The following EHBP1L1 variants were observed in gnomAD, a reference collection of about 807,000 sequenced individuals.
EHBP1L1 encodes the protein EH domain binding protein 1 like 1, also known as EH domain-binding protein 1-like protein 1.
A neutral mutation model predicts 151.1 loss-of-function variants in EHBP1L1; 122 were observed. The observed-to-expected ratio is 0.81, with a 90% CI of 0.70 to 0.94. The LOEUF is 0.94. Among genes scored for constraint, EHBP1L1 ranks in the 40% least tolerant of loss-of-function variants. The pLI, the probability that EHBP1L1 is intolerant of heterozygous loss-of-function variation, is 0.00. For missense variants in EHBP1L1, 1,941 were observed against 1,959.8 expected, an observed-to-expected ratio of 0.99 and a Z score of 0.18; for synonymous variants, 878 against 810.1, an observed-to-expected ratio of 1.08 and a Z score of -1.42.
chr11:65,584,750 C>T, intron 11 of EHBP1L1: 1 of 976,104 alleles, frequency 1.0e-6, no homozygotes, highest in South Asian at 1.7e-5. Context: ...TCCAAAACCA[C>T]CCTTTGGTAA....
At position 65,582,905 on chromosome 11, in the gene EHBP1L1, G is replaced by C. The variant is rs774769160; in HGVS notation, c.2233G>C (p.Glu745Gln). Residue 745 changes from glutamate to glutamine, a missense_variant, in exon 9 of 19, where the codon GAG (glutamate) becomes CAG (glutamine). Transcript: ENST00000309295. The stretch of plus-strand genomic sequence containing the variant: ...CAGAGAGATAGAAGCAGAGATAGCA[G>C]AGTCTGACATATTGGTAGCCCAGGA... ...GVREIEAEIA[E>Q]SDILVAQEIE... 1.2e-6 allele frequency: 2 copies of C among 1,613,550 alleles called. No individual in the cohort carries two copies. Among genetic ancestry groups the C allele is most frequent in the South Asian group, 1.1e-5 (1 of 91,076 alleles).
Position 65,583,234 on chromosome 11 carries a change from C to T in EHBP1L1, c.2562C>T (p.Pro854=), listed in dbSNP as rs377237397. The change falls in exon 9 of 19, where the codon CCC becomes CCT. Residue 854 remains proline, a synonymous_variant. Transcript: ENST00000309295. ...TEVGGSGISG[P]EAGMAEARVL... is the part of the protein sequence containing the mutation. ...TCGGGGGTTCAGGGATCTCAGGGCC[C>T]GAGGCTGGAATGGCAGAGGCCCGAG... is the stretch of plus-strand genomic sequence containing the variant. The T allele has an allele frequency of 1.9e-5, 31 of 1,613,236 alleles. No individual in the cohort carries two copies. The highest frequency in any genetic ancestry group is 1.6e-4 in the Middle Eastern group (1 of 6,082).
chr11:65,582,489 G>T lies in EHBP1L1; in HGVS notation c.1817G>T (p.Gly606Val), dbSNP rs752761045. ...ETRTLEIEILGALEKEAARSR... is the reference protein window; with the variant it reads ...ETRTLEIEILVALEKEAARSR... Reference sequence around the variant, plus strand: ...AGGACACTAGAAATTGAGATATTGGGGGCCTTGGAGAAAGAAGCAGCAAGA... The same window carrying T: ...AGGACACTAGAAATTGAGATATTGGTGGCCTTGGAGAAAGAAGCAGCAAGA... Residue 606 changes from glycine (G) to valine (V), a missense_variant, in exon 9 of 19, where the codon GGG becomes GTG. Transcript: ENST00000309295. The T allele has an allele frequency of 6.2e-7, 1 of 1,613,130 alleles. No homozygotes were observed. Among genetic ancestry groups the T allele is most frequent in the Non-Finnish European group, 8.5e-7 (1 of 1,179,808 alleles).
chr11:65,587,367 G>A (rs1197237816), intron 12 of EHBP1L1, among the ~76,000 whole-genome samples: 6 of 146,274 alleles, frequency 4.1e-5, no homozygotes, highest in Admixed American at 6.7e-5. Context: ...GCAAGACTCC[G>A]TCTCAAAAAA....
Position 65,576,136 on chromosome 11 carries a change from G to T in EHBP1L1, c.-167G>T. On this transcript the variant is annotated 5_prime_UTR_variant, in exon 1 of 19. Transcript: ENST00000309295. ...CAGACTCAGCCAGACCACCCTGCGG[G>T]CCCCAGCGGCGGCAGCGGAGAGCGC... The T allele has an allele frequency of 4.5e-6, 2 of 441,276 alleles. No individual in the cohort carries two copies. Among genetic ancestry groups the T allele is most frequent in the Non-Finnish European group, 7.4e-6 (2 of 271,334 alleles). The allele number at this position is 441,276 out of a possible 1,614,324, so 27.3% of individuals were successfully genotyped here. A position where few individuals can be genotyped will look rare whatever the true frequency, so the allele number is the denominator to read the frequency against.
intron 12 of EHBP1L1, among the ~76,000 whole-genome samples, chr11:65,588,634 CAG>C (rs1307305086): frequency 1.3e-5 from 2 of 152,170 alleles, no homozygotes; most frequent in African/African-American, 2.4e-5. Context: ...CGACACAGGT[CAG>C]ATGACCCAGA....
chr11:65,579,826 C>CAA (rs558637567), intron 3 of EHBP1L1, 110 bp from the exon 4 acceptor site: 30,555 of 890,740 alleles, frequency 0.034, 12 homozygotes, highest in South Asian at 0.045. Flanking sequence ...GACTCCGTCT[C>CAA]AAAAAAAAAA....
chr11:65,577,387 G>A (rs969877602), intron 1 of EHBP1L1, among the ~76,000 whole-genome samples: 3 of 152,222 alleles, frequency 2.0e-5, no homozygotes, highest in Admixed American at 6.5e-5. Context: ...CCTGCTAGAG[G>A]GCCATTCACA....
At chr11:65,586,842 G>A (rs1260521205) in intron 12 of EHBP1L1, among the ~76,000 whole-genome samples, 1 of 152,246 alleles carries the variant, frequency 6.6e-6, no homozygotes, top group Non-Finnish European at 1.5e-5. Context: ...AAATCTTAAA[G>A]GGGAGGTGCC....
At chr11:65,576,452 C>A in intron 1 of EHBP1L1, 46 bp downstream of exon 1, 1 of 1,517,320 alleles carries the variant, frequency 6.6e-7, no homozygotes, top group Non-Finnish European at 8.9e-7. Flanking sequence ...TTGCTGGGAC[C>A]TCATCCGGCC....
intron 3 of EHBP1L1, 110 bp from the exon 4 acceptor site, chr11:65,579,826 C>A (rs74812671): frequency 5.8e-5 from 52 of 897,556 alleles, no homozygotes; most frequent in African/African-American, 1.5e-4. Context: ...GACTCCGTCT[C>A]AAAAAAAAAA....
At chr11:65,577,336 C>A (rs1259323278) in intron 1 of EHBP1L1, among the ~76,000 whole-genome samples, 1 of 152,210 alleles carries the variant, frequency 6.6e-6, no homozygotes, top group African/African-American at 2.4e-5. Context: ...GGCTGGGGTC[C>A]CTTGGGCAGC....
Position 65,585,126 on chromosome 11 carries a change from C to G in EHBP1L1, c.3468C>G (p.Gly1156=). 1 of 1,493,856 alleles carries G rather than the reference C, an allele frequency of 6.7e-7. No individual in the cohort carries two copies. The highest frequency in any genetic ancestry group is 1.2e-5 in the South Asian group (1 of 80,216). 92.5% of individuals were successfully genotyped at this position (1,493,856 alleles called of 1,614,324 possible). A position where few individuals can be genotyped will look rare whatever the true frequency, so the allele number is the denominator to read the frequency against. The change falls in exon 12 of 19, where the codon GGC becomes GGG. Residue 1156 remains glycine (G), a synonymous_variant. Coordinates refer to ENST00000309295, the MANE Select transcript of EHBP1L1 (RefSeq NM_001099409.3). This position sits in a 1 kb window ranked among gnomAD's most constrained non-coding sequence, Gnocchi z 4.0. ...TGGTACAACTGGAGGGCGGCGGCGG[C>G]GCCGGCACGTACCGCGTGGGCAGCG... The part of the protein sequence containing the change: ...LQLVQLEGGG[G]AGTYRVGSAQ...
intron 1 of EHBP1L1, among the ~76,000 whole-genome samples, chr11:65,577,199 C>T (rs1312307610): frequency 6.6e-6 from 1 of 152,098 alleles, no homozygotes; most frequent in Non-Finnish European, 1.5e-5. Context: ...GTGTCAGCTT[C>T]CCTTGGCTGG....
At chr11:65,591,601 C>A (rs1170934906) in intron 16 of EHBP1L1, 199 bp from the exon 17 acceptor site, 1 of 626,436 alleles carries the variant, frequency 1.6e-6, no homozygotes, top group South Asian at 1.8e-5. Context: ...ACACAAACAC[C>A]CAGCAATTGG....
rs1857700355 is a variant in EHBP1L1, at chr11:65,582,850, C to T, written c.2178C>T (p.Thr726=). 6.2e-7 allele frequency: 1 copy of T among 1,613,328 alleles called. No individual in the cohort carries two copies. Among genetic ancestry groups the T allele is most frequent in the East Asian group, 2.2e-5 (1 of 44,880 alleles). Residue 726 remains threonine, a synonymous_variant, in exon 9 of 19, where the codon ACC becomes ACT. Transcript: ENST00000309295. ...AEGTEAKILG[T]QEITARDSGV... ...GGACAGAAGCTAAAATATTAGGGACCCAGGAGATAACAGCTAGGGATTCAG... is the reference window on the plus strand; with the variant it reads ...GGACAGAAGCTAAAATATTAGGGACTCAGGAGATAACAGCTAGGGATTCAG...
Position 65,592,258 on chromosome 11 carries a change from C to A in EHBP1L1, c.4528C>A (p.Leu1510Met), listed in dbSNP as rs1858371261. 6.5e-7 allele frequency: 1 copy of A among 1,532,896 alleles called. No individual in the cohort carries two copies. Among genetic ancestry groups the A allele is most frequent in the East Asian group, 2.4e-5 (1 of 40,818 alleles). The allele number at this position is 1,532,896 out of a possible 1,614,324, so 95.0% of individuals were successfully genotyped here. The change falls in exon 19 of 19, where the codon CTG becomes ATG. Residue 1510 changes from leucine (L) to methionine (M), a missense_variant. Physicochemically the swap from Leu to Met is conservative, Grantham distance 15. Transcript: ENST00000309295. ...CGGCCTGGAACAGCGGCGCCGCAAG[C>A]TGAGCCGGCAGTTGAGCCGGCGGGA... is the stretch of plus-strand genomic sequence containing the variant. ...ERGLEQRRRK[L>M]SRQLSRRERC...
At chr11:65,579,555 C>A in intron 3 of EHBP1L1, 119 bp downstream of exon 3, 1 of 856,636 alleles carries the variant, frequency 1.2e-6, no homozygotes, top group Non-Finnish European at 1.7e-6. Flanking sequence ...GGGGTGAGGC[C>A]AAGAATTAGG....
chr11:65,579,312 G>C (rs201795513), intron 2 of EHBP1L1, 29 bp from the exon 3 acceptor site: 225 of 1,517,450 alleles, frequency 1.5e-4, no homozygotes, highest in African/African-American at 1.5e-3. Context: ...GAGTTAAGAT[G>C]GGGGGAGGAC....
Sources: gnomAD v4.1 joint callset for allele counts (sites outside exome capture counted in the v4.1 genomes callset) on GRCh38, gnomAD v4.1.1 for gene constraint, Gnocchi (gnomAD v3.1) non-coding constraint, MANE v1.5 for transcripts, NCBI Gene and HGNC (gene_info 2026-07-23, HGNC 2026-07-21) for gene names.